Variants in CSMD1 observed in about 807,000 individuals in gnomAD.
The protein encoded by CSMD1 is CUB and Sushi multiple domains 1.
In CSMD1, 213 loss-of-function variants were observed where a neutral mutation model predicts 417.5. The ratio of observed to expected loss-of-function variants is 0.51; its 90% CI spans 0.46 to 0.57. The LOEUF (loss-of-function observed/expected upper bound fraction) is 0.57, where lower values mean the gene tolerates loss of function less well. Among genes scored for constraint, CSMD1 ranks in the 20% least tolerant of loss-of-function variants. The pLI, the probability that CSMD1 is intolerant of heterozygous loss-of-function variation, is 0.00. For missense variants in CSMD1, 6,923 were observed against 4,529.7 expected, an observed-to-expected ratio of 1.53 and a Z score of -15.17; for synonymous variants, 2,862 against 1,736.8, an observed-to-expected ratio of 1.65 and a Z score of -16.11.
At chr8:3,189,522 C>A (rs1796287656) in intron 34 of CSMD1, among the ~76,000 whole-genome samples, 1 of 152,148 alleles carries the variant, frequency 6.6e-6, no homozygotes, top group East Asian at 1.9e-4. Flanking sequence ...CACTGTTATT[C>A]AGCCTGCATT....
chr8:4,043,017 A>G (rs1797971833), intron 3 of CSMD1, among the ~76,000 whole-genome samples: 1 of 151,928 alleles, frequency 6.6e-6, no homozygotes, highest in African/African-American at 2.4e-5. Context: ...CTGTAGTCCC[A>G]GCTACTTGGG....
chr8:3,746,338 C>T (rs113186696), intron 6 of CSMD1, among the ~76,000 whole-genome samples: 1 of 152,282 alleles, frequency 6.6e-6, no homozygotes, highest in African/African-American at 2.4e-5. Context: ...CCAGTCACTG[C>T]CAAGTATTAA....
At chr8:4,094,786 G>C (rs1310772327) in intron 3 of CSMD1, among the ~76,000 whole-genome samples, 1 of 152,304 alleles carries the variant, frequency 6.6e-6, no homozygotes, top group Admixed American at 6.5e-5. Flanking sequence ...TGCGCATGGA[G>C]TACTGGATAA....
intron 5 of CSMD1, among the ~76,000 whole-genome samples, chr8:3,927,176 TTTA>T (rs1809796351): frequency 1.3e-5 from 2 of 152,084 alleles, no homozygotes; most frequent in African/African-American, 4.8e-5. Context: ...GAAGCTATAA[TTTA>T]TTAGAGATAT....
intron 18 of CSMD1, among the ~76,000 whole-genome samples, chr8:3,372,499 T>C (rs1314393106): frequency 2.0e-5 from 3 of 152,228 alleles, no homozygotes; most frequent in East Asian, 1.9e-4. Flanking sequence ...AACCAGGGCA[T>C]TGGCAGCAAG....
intron 9 of CSMD1, among the ~76,000 whole-genome samples, chr8:3,575,718 A>C (rs958812300): frequency 4.7e-5 from 2 of 42,954 alleles, no homozygotes; most frequent in Admixed American, 4.7e-4. Flanking sequence ...TGGTGACTTT[A>C]AAAATAAAAA....
At chr8:3,788,862 A>G (rs994345410) in intron 5 of CSMD1, among the ~76,000 whole-genome samples, 3 of 152,170 alleles carry the variant, frequency 2.0e-5, no homozygotes, top group African/African-American at 7.2e-5. Context: ...AGAAATTATG[A>G]TCTCGCCCAT....
chr8:4,151,996 G>A (rs996785193), intron 3 of CSMD1, among the ~76,000 whole-genome samples: 5 of 151,970 alleles, frequency 3.3e-5, no homozygotes, highest in African/African-American at 1.2e-4. Flanking sequence ...GTTTGCTAGG[G>A]GGTCATTTTA....
chr8:4,908,375 T>C (rs896244227), intron 1 of CSMD1, among the ~76,000 whole-genome samples: 1 of 152,226 alleles, frequency 6.6e-6, no homozygotes, highest in African/African-American at 2.4e-5. Context: ...TCTGACCTTC[T>C]TGGTTCTGTA....
In CSMD1 at chr8:4,874,123, G is replaced by T. The variant is rs377244486; in HGVS notation, c.85+120209C>A. ...TTGGTCTGTAGTATTCCACACCTCA[G>T]CTACTGATAGATAACTTTATCTTTT... On this transcript the variant is annotated intron_variant, in intron 1 of 69. Transcript: ENST00000635120. 2.6e-4 allele frequency among the ~76,000 whole-genome samples: 40 copies of T among 152,124 alleles called. No homozygotes were observed. The East Asian group carries it at 3.3e-3, about 13-fold the overall frequency.
At chr8:3,667,406 T>G (rs1271739260) in intron 7 of CSMD1, among the ~76,000 whole-genome samples, 2 of 152,006 alleles carry the variant, frequency 1.3e-5, no homozygotes, top group Non-Finnish European at 2.9e-5. Context: ...TTGAGGTGTG[T>G]GGAGATCTTG....
intron 8 of CSMD1, among the ~76,000 whole-genome samples, chr8:3,593,246 C>T (rs988121918): frequency 3.3e-5 from 5 of 152,240 alleles, no homozygotes; most frequent in South Asian, 2.1e-4. Context: ...CAAGACAGAA[C>T]CCCCGCGTTG....
At chr8:4,744,353 T>C (rs1585032083) in intron 1 of CSMD1, among the ~76,000 whole-genome samples, 1 of 152,194 alleles carries the variant, frequency 6.6e-6, no homozygotes, top group Admixed American at 6.5e-5. Context: ...CCACAACTTC[T>C]TTCCATTTCA....
chr8:3,869,457 C>G (rs1221198079), intron 5 of CSMD1, among the ~76,000 whole-genome samples: 1 of 152,118 alleles, frequency 6.6e-6, no homozygotes, highest in Non-Finnish European at 1.5e-5. Context: ...CGTGTCTCAC[C>G]TTAGTTTTAA....
intron 28 of CSMD1, among the ~76,000 whole-genome samples, chr8:3,221,075 T>C (rs1391287889): frequency 6.6e-6 from 1 of 152,144 alleles, no homozygotes. Context: ...TCTAGGTGGC[T>C]CCACTTGATC....
chr8:3,601,262 T>A (rs934658297), intron 8 of CSMD1, among the ~76,000 whole-genome samples: 1 of 152,200 alleles, frequency 6.6e-6, no homozygotes, highest in African/African-American at 2.4e-5. Flanking sequence ...GAGGCCAAGA[T>A]TTGGTAGGAT....
chr8:4,151,386 C>T (rs1345928110), intron 3 of CSMD1, among the ~76,000 whole-genome samples: 1 of 152,134 alleles, frequency 6.6e-6, no homozygotes, highest in Non-Finnish European at 1.5e-5. Context: ...CTAGATCCTG[C>T]TGACCAAGAA....
intron 20 of CSMD1, among the ~76,000 whole-genome samples, chr8:3,366,272 C>T (rs908566238): frequency 2.6e-5 from 4 of 152,148 alleles, no homozygotes; most frequent in African/African-American, 7.2e-5. Context: ...AATGAAGACA[C>T]TGCAGAGGTT....
At chr8:4,287,432 T>G (rs980752296) in intron 3 of CSMD1, among the ~76,000 whole-genome samples, 6 of 152,154 alleles carry the variant, frequency 3.9e-5, no homozygotes, top group African/African-American at 1.2e-4. Context: ...TAACTACCCT[T>G]TCTTACGTCC....
Sources: allele counts gnomAD v4.1 joint callset (sites outside exome capture counted in the v4.1 genomes callset), GRCh38; gene constraint gnomAD v4.1.1; transcripts MANE v1.5; gene names NCBI Gene and HGNC (gene_info 2026-07-23, HGNC 2026-07-21).